UBE4B: variants seen among roughly 807,000 people sequenced by gnomAD.
The protein encoded by UBE4B is ubiquitination factor E4B, also known as ubiquitin conjugation factor E4 B.
UBE4B carries 27 observed loss-of-function variants against 148.1 expected under a neutral mutation model. That is an observed-to-expected ratio of 0.18 (90% CI 0.13 to 0.25). The LOEUF (loss-of-function observed/expected upper bound fraction) is 0.25. Ranked by LOEUF, UBE4B falls within the 10% of genes least tolerant of loss-of-function variation. The pLI, the probability that UBE4B is intolerant of heterozygous loss-of-function variation, is 1.00. For missense variants in UBE4B, 1,170 were observed against 1,662.4 expected, an observed-to-expected ratio of 0.70 and a Z score of 5.15; for synonymous variants, 596 against 619.3, an observed-to-expected ratio of 0.96 and a Z score of 0.56.
intron 4 of UBE4B, among the ~76,000 whole-genome samples, chr1:10,101,498 C>CTTTTTT (rs34066776): frequency 3.4e-4 from 19 of 56,178 alleles, no homozygotes; most frequent in Non-Finnish European, 4.9e-4. Flanking sequence ...TGGTCTTTTG[C>CTTTTTT]TTTTTTTTTT....
intron 1 of UBE4B, chr1:10,058,547 A>G: frequency 6.5e-6 from 1 of 153,234 alleles, no homozygotes; most frequent in Non-Finnish European, 1.5e-5. Context: ...GGGGCACTAG[A>G]AGCTGGGCAT....
rs560957326 is a variant in UBE4B, at chr1:10,148,467, A to G, written c.2592-717A>G. Among the ~76,000 whole-genome samples the G allele has an allele frequency of 7.3e-5, 11 of 151,132 alleles. No individual in the cohort carries two copies. The East Asian group carries it at 2.2e-3, about 30-fold the overall frequency. The stretch of plus-strand genomic sequence containing the variant: ...GCCAACGTGGTGAAACACCGTCTCT[A>G]CTAAAAATACAAAAATTAGCCAGGT... On this transcript the variant is annotated intron_variant, in intron 19 of 27. Transcript: ENST00000343090.
intron 2 of UBE4B, among the ~76,000 whole-genome samples, chr1:10,082,891 G>A (rs188789634): frequency 3.4e-5 from 5 of 146,126 alleles, no homozygotes; most frequent in Admixed American, 2.8e-4. Flanking sequence ...TCCCATTTAT[G>A]AGTGAGAATG....
intron 2 of UBE4B, chr1:10,072,834 T>A (rs1256564768): frequency 5.5e-6 from 1 of 182,636 alleles, no homozygotes; most frequent in African/African-American, 2.3e-5. Flanking sequence ...AAATATAGTA[T>A]TATTGTCATA....
In UBE4B at chr1:10,136,162, G is replaced by A. The variant is rs572060095; in HGVS notation, c.2225-905G>A. ...AATGGAGATTTTATACAATACATCA[G>A]TAAGGAACATCACCAAAGATTGTTG... On this transcript the variant is annotated intron_variant, in intron 16 of 27. Transcript: ENST00000343090. 2.6e-5 allele frequency among the ~76,000 whole-genome samples: 4 copies of A among 152,246 alleles called. No homozygotes were observed. In the East Asian group the frequency reaches 7.7e-4, roughly 29 times the overall value.
Position 10,137,110 on chromosome 1 carries a change from G to A in UBE4B, c.2268G>A (p.Glu756=). The part of the protein sequence containing the change: ...PPFSEPKFPT[E]CFFLTLHAHH... ...TTTCTGAGCCGAAATTCCCTACGGAGTGCTTCTTTCTCACCCTGCATGCTC... is the reference window on the plus strand; with the variant it reads ...TTTCTGAGCCGAAATTCCCTACGGAATGCTTCTTTCTCACCCTGCATGCTC... Residue 756 remains glutamate, a synonymous_variant, in exon 17 of 28, where the codon GAG becomes GAA. Transcript: ENST00000343090. 6.2e-7 allele frequency: 1 copy of A among 1,614,150 alleles called. No individual in the cohort carries two copies. Among genetic ancestry groups the A allele is most frequent in the Non-Finnish European group, 8.5e-7 (1 of 1,180,024 alleles).
At chr1:10,174,439 A>G (rs1268142747) in intron 25 of UBE4B, among the ~76,000 whole-genome samples, 1 of 151,232 alleles carries the variant, frequency 6.6e-6, no homozygotes, top group Non-Finnish European at 1.5e-5. Context: ...GGTGGCTCAC[A>G]CCTGTAATCC....
intron 25 of UBE4B, among the ~76,000 whole-genome samples, chr1:10,177,779 T>C (rs1329619847): frequency 6.6e-6 from 1 of 152,156 alleles, no homozygotes; most frequent in African/African-American, 2.4e-5. Flanking sequence ...TTTTGCCATA[T>C]ATGTTTTACT....
chr1:10,045,904 T>C (rs1643904155), intron 1 of UBE4B, among the ~76,000 whole-genome samples: 1 of 152,208 alleles, frequency 6.6e-6, no homozygotes, highest in African/African-American at 2.4e-5. Context: ...TTGATTGTTG[T>C]AACAGAGAGA....
At chr1:10,155,771 C>T (rs1646059334) in intron 21 of UBE4B, among the ~76,000 whole-genome samples, 1 of 152,204 alleles carries the variant, frequency 6.6e-6, no homozygotes, top group African/African-American at 2.4e-5. Context: ...GCCTGTAATC[C>T]TAGCACTTTG....
At chr1:10,145,105 A>G (rs1214007747) in intron 18 of UBE4B, 66 bp downstream of exon 18, 7 of 1,297,884 alleles carry the variant, frequency 5.4e-6, no homozygotes, top group Non-Finnish European at 7.7e-6. Flanking sequence ...AACAGAATAT[A>G]TGCCTTGAGT....
chr1:10,069,322 G>T (rs114161786), intron 1 of UBE4B, among the ~76,000 whole-genome samples: 2,618 of 152,278 alleles, frequency 0.017, 33 homozygotes, highest in Non-Finnish European at 0.027. Context: ...CAGATATTTA[G>T]AGAGTACCTA....
At chr1:10,128,263 C>A (rs965325548) in intron 11 of UBE4B, 2 of 152,138 alleles carry the variant, frequency 1.3e-5, no homozygotes, top group Non-Finnish European at 2.9e-5. Context: ...ACCAAAATGT[C>A]CTTTTGTTCA....
At position 10,072,146 on chromosome 1, in the gene UBE4B, G is replaced by A. The variant is rs201460610; in HGVS notation, c.143G>A (p.Gly48Glu). ...CCTCCCATAGCGGCATCAGCCCCAG[G>A]ACCCTCTCAGAGTCTTGGTCTCAAT... is the stretch of plus-strand genomic sequence containing the variant. ...PGPPIAASAPGPSQSLGLNVH... is the reference protein window; with the variant it reads ...PGPPIAASAPEPSQSLGLNVH... Residue 48 changes from glycine (G) to glutamate (E), a missense_variant, in exon 2 of 28, where the codon GGA (glycine) becomes GAA (glutamate). By Grantham distance (98) the Gly-to-Glu change is moderately conservative. Around this residue, in one of 6 missense-constraint regions of UBE4B, gnomAD observed 127 missense variants for 153.2 expected, o/e 0.83. Transcript: ENST00000343090. The A allele has an allele frequency of 1.8e-5, 29 of 1,613,528 alleles. No individual in the cohort carries two copies. The highest frequency in any genetic ancestry group is 2.5e-5 in the Non-Finnish European group (29 of 1,179,846).
At chr1:10,144,805 G>C in intron 17 of UBE4B, 135 bp from the exon 18 acceptor site, 1 of 567,614 alleles carries the variant, frequency 1.8e-6, no homozygotes, top group Non-Finnish European at 3.1e-6. Flanking sequence ...CTGGTTGTAA[G>C]ATATACTCTG....
chr1:10,176,529 A>T (rs982790103), intron 25 of UBE4B, among the ~76,000 whole-genome samples: 1 of 151,956 alleles, frequency 6.6e-6, no homozygotes, highest in Non-Finnish European at 1.5e-5. Context: ...TCTTTCCATC[A>T]TGAAGTTTAA....
intron 1 of UBE4B, among the ~76,000 whole-genome samples, chr1:10,063,282 A>G (rs1644322459): frequency 6.6e-6 from 1 of 152,156 alleles, no homozygotes; most frequent in South Asian, 2.1e-4. Context: ...AAAAACAAAA[A>G]CAAAACAGAT....
rs1161725845 is a variant in UBE4B, at chr1:10,106,554, A to G, written c.1167A>G (p.Arg389=). The stretch of plus-strand genomic sequence containing the variant: ...CCGCCTCACCCAGTGCCACGAGCAG[A>G]CGCCCCTCCTCCCTGAGGATCTCTC... ...LPPASPSATS[R]RPSSLRISPS... Residue 389 remains arginine, a synonymous_variant, in exon 7 of 28, where the codon AGA becomes AGG. Transcript: ENST00000343090. This position sits in a 1 kb window ranked among gnomAD's most constrained non-coding sequence, Gnocchi z 4.2. 6.3e-7 allele frequency: 1 copy of G among 1,587,290 alleles called. No individual in the cohort carries two copies.
At chr1:10,048,708 G>A (rs1395462592) in intron 1 of UBE4B, among the ~76,000 whole-genome samples, 1 of 152,192 alleles carries the variant, frequency 6.6e-6, no homozygotes, top group Non-Finnish European at 1.5e-5. Context: ...TGGCGACATG[G>A]AGGCCCTTGG....
Sources: allele counts gnomAD v4.1 joint callset (sites outside exome capture counted in the v4.1 genomes callset), GRCh38; gene constraint gnomAD v4.1.1; regional missense constraint gnomAD v4.1.1; non-coding constraint Gnocchi (gnomAD v3.1); transcripts MANE v1.5; gene names NCBI Gene and HGNC (gene_info 2026-07-23, HGNC 2026-07-21).